Variants in PRKCH observed in about 807,000 individuals in gnomAD.
The protein encoded by PRKCH is protein kinase C eta type.
PRKCH carries 28 observed loss-of-function variants against 82.5 expected under a neutral mutation model. The ratio of observed to expected loss-of-function variants is 0.34; its 90% CI spans 0.25 to 0.47. The LOEUF (loss-of-function observed/expected upper bound fraction) is 0.47, where lower values mean the gene tolerates loss of function less well. Among genes scored for constraint, PRKCH ranks in the 20% least tolerant of loss-of-function variants. The pLI, the probability that PRKCH is intolerant of heterozygous loss-of-function variation, is 1.00. For synonymous variants in PRKCH, 322 were observed against 327.4 expected (o/e 0.98, Z 0.18); for missense variants, 705 against 881.8 (o/e 0.80, Z 2.54).
chr14:61,217,027 C>A (rs2044620924), intron 1 of PRKCH, among the ~76,000 whole-genome samples: 1 of 152,098 alleles, frequency 6.6e-6, no homozygotes, highest in African/African-American at 2.4e-5. Context: ...TGTAAAAATT[C>A]ATCAAGCTCT....
chr14:61,281,087 G>C, intron 1 of PRKCH: 1 of 1,510,846 alleles, frequency 6.6e-7, no homozygotes, highest in South Asian at 1.2e-5. Context: ...GGGAGGCGCT[G>C]CTGAGTGAAG....
rs762338657 is a variant in PRKCH, at chr14:61,280,216, C to A, written c.-19+92548C>A. The A allele has an allele frequency of 6.2e-7, 1 of 1,614,058 alleles. No individual in the cohort carries two copies. Among genetic ancestry groups the A allele is most frequent in the South Asian group, 1.1e-5 (1 of 91,062 alleles). The stretch of plus-strand genomic sequence containing the variant: ...GATGCCCAGGAAGGGGTTCTTGCCA[C>A]CCATCCACGAGATGCTGCTGAAGAT... On this transcript the variant is annotated intron_variant, in intron 1 of 3. Coordinates refer to the PRKCH transcript ENST00000555185. This position sits in a 1 kb window ranked among gnomAD's most constrained non-coding sequence, Gnocchi z 5.0.
At chr14:61,439,775 A>C (rs1883868606) in intron 2 of PRKCH, among the ~76,000 whole-genome samples, 1 of 152,190 alleles carries the variant, frequency 6.6e-6, no homozygotes, top group African/African-American at 2.4e-5. Flanking sequence ...GAAAGAGGGA[A>C]GGGCCGTTTA....
intron 1 of PRKCH, among the ~76,000 whole-genome samples, chr14:61,222,016 A>G (rs1473121437): frequency 6.6e-6 from 1 of 152,000 alleles, no homozygotes; most frequent in Non-Finnish European, 1.5e-5. Flanking sequence ...GGGAAGTAGA[A>G]GGCAGCCTGC....
chr14:61,202,918 T>C (rs2044493786), intron 1 of PRKCH, among the ~76,000 whole-genome samples: 1 of 152,168 alleles, frequency 6.6e-6, no homozygotes, highest in African/African-American at 2.4e-5. Context: ...TCACTCTTGG[T>C]GTACATCCTA....
intron 2 of PRKCH, among the ~76,000 whole-genome samples, chr14:61,402,799 AAAAAAAAG>A (rs1281410656): frequency 6.7e-6 from 1 of 149,504 alleles, no homozygotes; most frequent in African/African-American, 2.5e-5. Context: ...CTCTGTCTCA[AAAAAAAAG>A]AAAAAAAGAA....
chr14:61,445,206 A>C (rs998358207), intron 3 of PRKCH, among the ~76,000 whole-genome samples: 3 of 152,142 alleles, frequency 2.0e-5, no homozygotes, highest in African/African-American at 7.2e-5. Flanking sequence ...TGTGGCAGCA[A>C]CTCTGCCCAC....
intron 1 of PRKCH, among the ~76,000 whole-genome samples, chr14:61,275,024 T>C (rs544718068): frequency 1.3e-5 from 2 of 152,356 alleles, no homozygotes; most frequent in East Asian, 3.9e-4. Context: ...GAATAGAAGC[T>C]GTTTTACATG....
At position 61,549,900 on chromosome 14, in the gene PRKCH, A is replaced by T; in HGVS notation, c.*69A>T. The T allele has an allele frequency of 6.5e-7, 1 of 1,527,506 alleles. No individual in the cohort carries two copies. The highest frequency in any genetic ancestry group is 1.4e-5 in the African/African-American group (1 of 72,304). The allele number at this position is 1,527,506 out of a possible 1,614,324, so 94.6% of individuals were successfully genotyped here. Reference sequence around the variant, plus strand: ...TAGAGATTCTCCAGGAATTTCCTCTATGGGACCTTCCCAGCATCAGCCTTA... The same window carrying T: ...TAGAGATTCTCCAGGAATTTCCTCTTTGGGACCTTCCCAGCATCAGCCTTA... On this transcript the variant is annotated 3_prime_UTR_variant, in exon 14 of 14. Transcript: ENST00000332981.
At chr14:61,243,966 C>A (rs1400357566) in intron 1 of PRKCH, among the ~76,000 whole-genome samples, 2 of 149,206 alleles carry the variant, frequency 1.3e-5, no homozygotes, top group Non-Finnish European at 3.0e-5. Flanking sequence ...AAAAAAAATA[C>A]AGCAACACTT....
At chr14:61,291,842 C>T (rs1050053665) in intron 1 of PRKCH, among the ~76,000 whole-genome samples, 1 of 152,082 alleles carries the variant, frequency 6.6e-6, no homozygotes, top group Non-Finnish European at 1.5e-5. Context: ...GATGGGGAAT[C>T]AATACTGAGC....
intron 9 of PRKCH, among the ~76,000 whole-genome samples, chr14:61,459,822 G>A (rs1305171592): frequency 6.6e-6 from 1 of 151,980 alleles, no homozygotes; most frequent in East Asian, 1.9e-4. Context: ...AGTATACTTT[G>A]CCCATGATTC....
intron 2 of PRKCH, among the ~76,000 whole-genome samples, chr14:61,422,292 C>G (rs1882877671): frequency 6.6e-6 from 1 of 152,080 alleles, no homozygotes; most frequent in South Asian, 2.1e-4. Flanking sequence ...TCTATGTTGC[C>G]CAGGCTGGCC....
chr14:61,375,420 C>G (rs1694386951), intron 1 of PRKCH, among the ~76,000 whole-genome samples: 1 of 152,056 alleles, frequency 6.6e-6, no homozygotes, highest in Non-Finnish European at 1.5e-5. Context: ...ATCTTTATAG[C>G]AGTACCCCAC....
At chr14:61,466,260 A>T (rs2140305984) in intron 9 of PRKCH, among the ~76,000 whole-genome samples, 1 of 152,338 alleles carries the variant, frequency 6.6e-6, no homozygotes. Context: ...ATAAGCCATT[A>T]TTAAGTCAGG....
intron 1 of PRKCH, among the ~76,000 whole-genome samples, chr14:61,364,065 A>G (rs1207498830): frequency 6.7e-6 from 1 of 148,268 alleles, no homozygotes; most frequent in African/African-American, 2.5e-5. Context: ...GTGTGTATAT[A>G]TATAAATAAA....
chr14:61,242,375 A>G (rs1959660), intron 1 of PRKCH, among the ~76,000 whole-genome samples: 142,451 of 152,292 alleles, frequency 0.94, 67,312 homozygotes, highest in Non-Finnish European at 1. Flanking sequence ...TTCAGCAGGC[A>G]ATGCTTATTT....
chr14:61,344,733 T>C (rs924463710), intron 1 of PRKCH, among the ~76,000 whole-genome samples: 9 of 152,152 alleles, frequency 5.9e-5, no homozygotes, highest in Non-Finnish European at 1.3e-4. Context: ...TGCTGATCTT[T>C]GCTTGGGTGA....
At chr14:61,388,584 G>A (rs779609561) in intron 1 of PRKCH, among the ~76,000 whole-genome samples, 5 of 152,202 alleles carry the variant, frequency 3.3e-5, no homozygotes, top group African/African-American at 1.2e-4. Context: ...GAGGTCGAAT[G>A]TATGTGTATG....
Sources: gnomAD v4.1 joint callset for allele counts (sites outside exome capture counted in the v4.1 genomes callset) on GRCh38, gnomAD v4.1.1 for gene constraint, Gnocchi (gnomAD v3.1) non-coding constraint, MANE v1.5 for transcripts, NCBI Gene and HGNC (gene_info 2026-07-23, HGNC 2026-07-21) for gene names.